Variants in CCDC149 observed in about 807,000 individuals in gnomAD.
CCDC149 encodes coiled-coil domain-containing protein 149.
In CCDC149, 45 loss-of-function variants were observed where a neutral mutation model predicts 59.9. The observed-to-expected ratio is 0.75, with a 90% CI of 0.59 to 0.96. The LOEUF (loss-of-function observed/expected upper bound fraction) is 0.96, where lower values mean the gene tolerates loss of function less well. Among genes scored for constraint, CCDC149 ranks in the 40% least tolerant of loss-of-function variants. CCDC149 has a pLI of 0.00. For synonymous variants in CCDC149, 245 were observed against 260.6 expected (o/e 0.94, Z 0.58); for missense variants, 584 against 664.7 (o/e 0.88, Z 1.33).
At chr4:24,938,340 G>A (rs911939461) in intron 1 of CCDC149, among the ~76,000 whole-genome samples, 5 of 152,128 alleles carry the variant, frequency 3.3e-5, no homozygotes, top group Admixed American at 6.5e-5. Flanking sequence ...ATTAAGAACT[G>A]AAAAAATTTA....
chr4:24,877,361 T>C (rs1430983879), intron 1 of CCDC149, among the ~76,000 whole-genome samples: 1 of 152,148 alleles, frequency 6.6e-6, no homozygotes, highest in Admixed American at 6.5e-5. Flanking sequence ...AATTTTTGTA[T>C]TTTTAGTAGA....
intron 1 of CCDC149, among the ~76,000 whole-genome samples, chr4:24,879,663 T>G: frequency 6.9e-6 from 1 of 145,740 alleles, no homozygotes; most frequent in African/African-American, 2.5e-5. Flanking sequence ...GCAGCCTGGG[T>G]GACAGCATAA....
chr4:24,974,240 A>C lies in CCDC149; in HGVS notation c.-65+5829T>G, dbSNP rs572748148. ...TCTGTGGTTTGAGACTCACAAGCTT[A>C]GGAGAGACTCGGGAGGCATCAGTTC... On this transcript the variant is annotated intron_variant, in intron 1 of 12. Transcript: ENST00000389609. Among the ~76,000 whole-genome samples, 79 of 152,336 alleles carry C rather than the reference A, an allele frequency of 5.2e-4. 1 individual carries two copies. The highest frequency in any genetic ancestry group is 1.9e-3 in the African/African-American group (77 of 41,582).
At chr4:24,836,742 C>T (rs367876224) in intron 6 of CCDC149, among the ~76,000 whole-genome samples, 3 of 152,234 alleles carry the variant, frequency 2.0e-5, no homozygotes, top group East Asian at 1.9e-4. Context: ...AAACAGCCCT[C>T]GCAGAGATTC....
chr4:24,961,062 A>G (rs1723621434), intron 1 of CCDC149, among the ~76,000 whole-genome samples: 2 of 152,332 alleles, frequency 1.3e-5, no homozygotes, highest in South Asian at 4.1e-4. Context: ...TAGAATACAC[A>G]TTCTTCTCAA....
intron 1 of CCDC149, among the ~76,000 whole-genome samples, chr4:24,976,189 G>A (rs920991219): frequency 1.3e-5 from 2 of 152,086 alleles, no homozygotes; most frequent in African/African-American, 2.4e-5. Flanking sequence ...TTAAGAGTAC[G>A]TGGAGCTCAA....
chr4:24,842,154 G>GA (rs1215865407), intron 4 of CCDC149, among the ~76,000 whole-genome samples: 1 of 152,156 alleles, frequency 6.6e-6, no homozygotes, highest in Non-Finnish European at 1.5e-5. Flanking sequence ...GCTGACTTCA[G>GA]AACCTAACCC....
At chr4:24,972,976 C>A (rs1724023815) in intron 1 of CCDC149, among the ~76,000 whole-genome samples, 1 of 152,154 alleles carries the variant, frequency 6.6e-6, no homozygotes, top group South Asian at 2.1e-4. Flanking sequence ...TAAGGGTGGG[C>A]ACCCATGAAG....
At chr4:24,958,853 G>A (rs1384788327) in intron 1 of CCDC149, among the ~76,000 whole-genome samples, 5 of 152,164 alleles carry the variant, frequency 3.3e-5, no homozygotes, top group Admixed American at 6.5e-5. Flanking sequence ...CCAACATGGC[G>A]AAAACCTGCC....
At chr4:24,841,240 A>T (rs1174430342) in intron 4 of CCDC149, among the ~76,000 whole-genome samples, 1 of 152,214 alleles carries the variant, frequency 6.6e-6, no homozygotes, top group Non-Finnish European at 1.5e-5. Flanking sequence ...TGGTCTATAA[A>T]AAGCCATACT....
intron 1 of CCDC149, among the ~76,000 whole-genome samples, chr4:24,972,877 T>G (rs542545801): frequency 6.6e-6 from 1 of 152,344 alleles, no homozygotes; most frequent in South Asian, 2.1e-4. Context: ...ATATTTCCCC[T>G]TCCAGACCCT....
intron 5 of CCDC149, 89 bp downstream of exon 5, chr4:24,838,067 T>C: frequency 1.9e-6 from 2 of 1,045,402 alleles, no homozygotes; most frequent in South Asian, 1.3e-5. Flanking sequence ...CCCCATACTC[T>C]GAGAAACGAG....
intron 1 of CCDC149, among the ~76,000 whole-genome samples, chr4:24,879,861 A>T (rs957226825): frequency 6.6e-6 from 1 of 152,164 alleles, no homozygotes; most frequent in South Asian, 2.1e-4. Flanking sequence ...TATCCAGCCC[A>T]TACTTTAAAA....
chr4:24,906,960 A>G (rs1721573909), intron 1 of CCDC149, among the ~76,000 whole-genome samples: 1 of 152,176 alleles, frequency 6.6e-6, no homozygotes, highest in African/African-American at 2.4e-5. Flanking sequence ...CCAGCACCCC[A>G]GCCAATGACT....
chr4:24,932,594 A>G (rs978669449), intron 1 of CCDC149, among the ~76,000 whole-genome samples: 2 of 152,202 alleles, frequency 1.3e-5, no homozygotes, highest in African/African-American at 4.8e-5. Flanking sequence ...AACTCTGTAA[A>G]TAAATCCAGA....
intron 1 of CCDC149, among the ~76,000 whole-genome samples, chr4:24,953,608 T>G (rs1419928191): frequency 6.6e-6 from 1 of 152,198 alleles, no homozygotes; most frequent in African/African-American, 2.4e-5. Flanking sequence ...ACCGGATTAT[T>G]ATATACAAAT....
chr4:24,942,146 A>G (rs1354357139), intron 1 of CCDC149, among the ~76,000 whole-genome samples: 3 of 152,258 alleles, frequency 2.0e-5, no homozygotes, highest in East Asian at 3.8e-4. Flanking sequence ...AAAAATCCTC[A>G]ATAAAATACT....
At chr4:24,848,108 G>A (rs1359710041) in intron 4 of CCDC149, among the ~76,000 whole-genome samples, 2 of 151,924 alleles carry the variant, frequency 1.3e-5, no homozygotes, top group Non-Finnish European at 2.9e-5. Context: ...ATGAAATCTC[G>A]TGTCCCAGTC....
At chr4:24,850,720 T>A (rs539321740) in intron 4 of CCDC149, among the ~76,000 whole-genome samples, 2 of 152,126 alleles carry the variant, frequency 1.3e-5, no homozygotes, top group African/African-American at 4.8e-5. Flanking sequence ...GAAAGTGCCA[T>A]AATTAATTCA....
Sources: allele counts gnomAD v4.1 joint callset (sites outside exome capture counted in the v4.1 genomes callset), GRCh38; gene constraint gnomAD v4.1.1; transcripts MANE v1.5; gene names NCBI Gene and HGNC (gene_info 2026-07-23, HGNC 2026-07-21).